Variants in FHIT observed in about 807,000 individuals in gnomAD.
The protein encoded by FHIT is bis(5'-adenosyl)-triphosphatase.
Under a neutral mutation model 17.9 loss-of-function variants are expected in FHIT, and 19 were observed. The observed-to-expected ratio is 1.06, with a 90% confidence interval of 0.74 to 1.56. FHIT has a LOEUF of 1.56. FHIT is among the 40% of genes most tolerant of loss of function. The probability of loss-of-function intolerance (pLI) is 0.00; values close to 1 mark genes in which losing one functional copy is unlikely to be tolerated. For missense variants in FHIT, 248 were observed against 189.2 expected (o/e 1.31, Z -1.82); for synonymous variants, 81 against 69.7 (o/e 1.16, Z -0.81).
At chr3:60,395,138 G>C (rs1212149763) in intron 5 of FHIT, among the ~76,000 whole-genome samples, 2 of 152,178 alleles carry the variant, frequency 1.3e-5, no homozygotes, top group African/African-American at 4.8e-5. Flanking sequence ...GAATTGAGTA[G>C]AAAGGTCAGG....
At chr3:59,967,286 TA>T (rs886108688) in intron 7 of FHIT, among the ~76,000 whole-genome samples, 3 of 152,204 alleles carry the variant, frequency 2.0e-5, no homozygotes, top group African/African-American at 7.2e-5. Flanking sequence ...AAAATAACAA[TA>T]AAAAAGTATA....
intron 5 of FHIT, among the ~76,000 whole-genome samples, chr3:60,402,314 T>C (rs1375814928): frequency 2.6e-5 from 4 of 152,134 alleles, no homozygotes; most frequent in African/African-American, 9.7e-5. Context: ...AGCACGTGGG[T>C]GGGAGAAGCC....
intron 5 of FHIT, among the ~76,000 whole-genome samples, chr3:60,285,916 A>G (rs2201649): frequency 0.041 from 6,311 of 152,222 alleles, 197 homozygotes; most frequent in East Asian, 0.085. Context: ...ATTTTCTTCC[A>G]TCAACTAGAA....
rs1204527533 is a variant in FHIT at position 59,953,831 on chromosome 3, AC to A, written c.280-31418del. On this transcript the variant is annotated intron_variant, in intron 7 of 9. Coordinates refer to ENST00000492590, the MANE Select transcript of FHIT (RefSeq NM_002012.4). The stretch of plus-strand genomic sequence containing the variant: ...GTTCTGCAAACAGGTAGCATCCTGT[AC>A]CCCGAGTGTGTGCCTGGTACCTACT... Among the ~76,000 whole-genome samples, 7 of 152,194 alleles carry A rather than the reference AC, an allele frequency of 4.6e-5. No individual in the cohort carries two copies. The East Asian group carries it at 1.3e-3, about 29-fold the overall frequency.
At chr3:60,828,311 CATT>C (rs797034295) in intron 3 of FHIT, among the ~76,000 whole-genome samples, 5 of 152,196 alleles carry the variant, frequency 3.3e-5, no homozygotes, top group African/African-American at 9.6e-5. Context: ...TATATGTCAT[CATT>C]ATTATTATAT....
At chr3:60,983,724 G>A (rs141537182) in intron 3 of FHIT, among the ~76,000 whole-genome samples, 7 of 152,268 alleles carry the variant, frequency 4.6e-5, no homozygotes, top group Admixed American at 1.3e-4. Flanking sequence ...GGAAGGTGAT[G>A]ACTGTCCAAA....
chr3:60,618,013 C>A, intron 4 of FHIT: 1 of 225,622 alleles, frequency 4.4e-6, no homozygotes, highest in South Asian at 6.9e-5. Context: ...AACTTGAGGA[C>A]ATCAAGCATC....
At chr3:60,516,256 T>C (rs530192438) in intron 5 of FHIT, among the ~76,000 whole-genome samples, 1 of 152,350 alleles carries the variant, frequency 6.6e-6, no homozygotes, top group East Asian at 1.9e-4. Flanking sequence ...TAAACCCATA[T>C]GTTAATGTAA....
intron 2 of FHIT, among the ~76,000 whole-genome samples, chr3:61,153,232 T>A (rs1328866430): frequency 1.3e-5 from 2 of 151,202 alleles, no homozygotes; most frequent in East Asian, 3.9e-4. Context: ...AGAGATAACA[T>A]CTCCTGAAAT....
At chr3:60,197,393 T>G (rs932791402) in intron 5 of FHIT, among the ~76,000 whole-genome samples, 5 of 152,220 alleles carry the variant, frequency 3.3e-5, no homozygotes, top group Non-Finnish European at 7.3e-5. Context: ...TAAAATTAAT[T>G]TCTCCTGCTT....
At chr3:60,155,926 G>C (rs373715239) in intron 5 of FHIT, among the ~76,000 whole-genome samples, 1 of 152,118 alleles carries the variant, frequency 6.6e-6, no homozygotes, top group Admixed American at 6.5e-5. Context: ...GACATAAAGC[G>C]TGCAAAAGCC....
intron 4 of FHIT, among the ~76,000 whole-genome samples, chr3:60,731,808 T>G (rs1372203656): frequency 6.6e-6 from 1 of 152,168 alleles, no homozygotes; most frequent in African/African-American, 2.4e-5. Context: ...GAGAACCATC[T>G]TAACAACTGC....
intron 5 of FHIT, among the ~76,000 whole-genome samples, chr3:60,286,499 A>G (rs1707736829): frequency 6.6e-6 from 1 of 152,184 alleles, no homozygotes; most frequent in Non-Finnish European, 1.5e-5. Flanking sequence ...TTTCAATATT[A>G]GTGCTATCAG....
At chr3:60,890,445 G>C (rs551104811) in intron 3 of FHIT, among the ~76,000 whole-genome samples, 2 of 152,242 alleles carry the variant, frequency 1.3e-5, no homozygotes, top group African/African-American at 4.8e-5. Flanking sequence ...CCCAATTCCT[G>C]ACCTACAGAA....
intron 3 of FHIT, among the ~76,000 whole-genome samples, chr3:60,887,860 T>C (rs899356913): frequency 1.3e-5 from 2 of 152,130 alleles, no homozygotes; most frequent in Non-Finnish European, 2.9e-5. Flanking sequence ...TACTCTTTTC[T>C]ATGAAAACAT....
intron 1 of FHIT, among the ~76,000 whole-genome samples, chr3:61,232,756 C>CAGAA (rs1373034455): frequency 6.6e-6 from 1 of 152,000 alleles, no homozygotes; most frequent in African/African-American, 2.4e-5. Context: ...GGTGCAGGGC[C>CAGAA]AGAATATTAA....
intron 3 of FHIT, among the ~76,000 whole-genome samples, chr3:60,998,950 A>C (rs981582339): frequency 1.3e-5 from 2 of 152,008 alleles, no homozygotes; most frequent in Non-Finnish European, 2.9e-5. Context: ...ATCTCCACAT[A>C]GTAATTTAGA....
rs149264081 is a variant in FHIT at position 60,584,950 on chromosome 3, C to A, written c.-17-47971G>T. The stretch of plus-strand genomic sequence containing the variant: ...AACTACATGAGCCCATAAACCTAAT[C>A]TAAACAAATCATTTTGAATTTATTT... On this transcript the variant is annotated intron_variant, in intron 4 of 9. Coordinates refer to ENST00000492590, the MANE Select transcript of FHIT (RefSeq NM_002012.4). Among the ~76,000 whole-genome samples the A allele has an allele frequency of 5.9e-5, 9 of 152,146 alleles. No homozygotes were observed. In the South Asian group the frequency reaches 8.3e-4, roughly 14 times the overall value.
At chr3:60,423,302 T>C (rs2107270197) in intron 5 of FHIT, among the ~76,000 whole-genome samples, 2 of 152,224 alleles carry the variant, frequency 1.3e-5, no homozygotes, top group East Asian at 3.9e-4. Flanking sequence ...TTCAGACTTT[T>C]TAATGATCCA....
Sources: gnomAD v4.1 joint callset for allele counts (sites outside exome capture counted in the v4.1 genomes callset) on GRCh38, gnomAD v4.1.1 for gene constraint, MANE v1.5 for transcripts, NCBI Gene and HGNC (gene_info 2026-07-23, HGNC 2026-07-21) for gene names.